Variants in ERGIC1 observed in about 807,000 individuals in gnomAD.
ERGIC1 encodes endoplasmic reticulum-golgi intermediate compartment 1.
Under a neutral mutation model 38.3 loss-of-function variants are expected in ERGIC1, and 19 were observed. That is an observed-to-expected ratio of 0.50 (90% CI 0.35 to 0.73). ERGIC1 has a LOEUF of 0.73. Among genes scored for constraint, ERGIC1 ranks in the 30% least tolerant of loss-of-function variants. The probability of loss-of-function intolerance (pLI) is 0.01; values close to 1 mark genes in which losing one functional copy is unlikely to be tolerated. For missense variants in ERGIC1, 294 were observed against 389.2 expected (o/e 0.76, Z 2.06); for synonymous variants, 124 against 157.6 (o/e 0.79, Z 1.60).
intron 1 of ERGIC1, among the ~76,000 whole-genome samples, chr5:172,873,828 C>T (rs942874536): frequency 3.8e-4 from 58 of 152,298 alleles, no homozygotes; most frequent in African/African-American, 1.3e-3. Flanking sequence ...GTGCTTGGCC[C>T]ATAGGGTGGG....
chr5:172,873,326 G>A (rs954469077), intron 1 of ERGIC1, among the ~76,000 whole-genome samples: 1 of 152,206 alleles, frequency 6.6e-6, no homozygotes, highest in African/African-American at 2.4e-5. Context: ...CTTGACAAGC[G>A]GGAAGCCTGA....
intron 1 of ERGIC1, among the ~76,000 whole-genome samples, chr5:172,839,726 C>T (rs1233850538): frequency 1.3e-5 from 2 of 152,200 alleles, no homozygotes; most frequent in Non-Finnish European, 2.9e-5. Flanking sequence ...GTGCCAGGCA[C>T]TGTTGTAAGG....
chr5:172,867,443 T>C, intron 1 of ERGIC1: 1 of 395,604 alleles, frequency 2.5e-6, no homozygotes, highest in South Asian at 1.8e-5. Flanking sequence ...CTATTTCCAC[T>C]CCTTGGAGGC....
At chr5:172,889,845 A>G (rs1166813699) in intron 2 of ERGIC1, among the ~76,000 whole-genome samples, 3 of 152,214 alleles carry the variant, frequency 2.0e-5, no homozygotes, top group Non-Finnish European at 4.4e-5. Flanking sequence ...CTGAAATCCA[A>G]AATGCTTCAG....
At chr5:172,931,779 A>T (rs1463116575) in intron 7 of ERGIC1, among the ~76,000 whole-genome samples, 2 of 150,992 alleles carry the variant, frequency 1.3e-5, no homozygotes, top group Non-Finnish European at 2.9e-5. Flanking sequence ...TCCTCCCCCA[A>T]TCCATGGACA....
rs1761277415 is a variant in ERGIC1, at chr5:172,846,117, C to T, written c.20+11684C>T. Among the ~76,000 whole-genome samples the T allele has an allele frequency of 6.6e-6, 1 of 152,188 alleles. No individual in the cohort carries two copies. Among genetic ancestry groups the T allele is most frequent in the Non-Finnish European group, 1.5e-5 (1 of 68,020 alleles). On this transcript the variant is annotated intron_variant, in intron 1 of 9. Transcript: ENST00000393784. This position sits in a 1 kb window ranked among gnomAD's most constrained non-coding sequence, Gnocchi z 4.0. ...CAGCACATCCCATGGGGGTCCATGG[C>T]ATCCATTTGACCTCTCTGGCGATGT... is the stretch of plus-strand genomic sequence containing the variant.
chr5:172,857,373 A>G (rs1008989921), intron 1 of ERGIC1, among the ~76,000 whole-genome samples: 5 of 152,190 alleles, frequency 3.3e-5, no homozygotes, highest in African/African-American at 1.2e-4. Flanking sequence ...TTTCTGCTCC[A>G]GTAGTTTCAA....
chr5:172,893,051 G>C (rs1354634608), intron 2 of ERGIC1, among the ~76,000 whole-genome samples: 2 of 152,200 alleles, frequency 1.3e-5, no homozygotes, highest in Non-Finnish European at 2.9e-5. Context: ...GATAGAATTA[G>C]AACCCTGGGA....
intron 1 of ERGIC1, among the ~76,000 whole-genome samples, chr5:172,835,840 G>C (rs1761020715): frequency 6.6e-6 from 1 of 152,226 alleles, no homozygotes; most frequent in African/African-American, 2.4e-5. Flanking sequence ...GAGGCTAGCA[G>C]ACCTAGGCAG....
At chr5:172,929,780 A>T (rs981962707) in intron 7 of ERGIC1, among the ~76,000 whole-genome samples, 8 of 152,218 alleles carry the variant, frequency 5.3e-5, no homozygotes, top group African/African-American at 1.7e-4. Context: ...TTGAGCACCT[A>T]CTATATGCTG....
intron 3 of ERGIC1, among the ~76,000 whole-genome samples, chr5:172,900,926 C>T (rs973388250): frequency 3.3e-5 from 5 of 152,176 alleles, no homozygotes; most frequent in Admixed American, 6.5e-5. Flanking sequence ...GAAGGGCCTC[C>T]GCAGGATGAG....
At chr5:172,929,514 C>T (rs79368027) in intron 7 of ERGIC1, among the ~76,000 whole-genome samples, 1 of 152,028 alleles carries the variant, frequency 6.6e-6, no homozygotes, top group Non-Finnish European at 1.5e-5. Context: ...GGGCATTTGG[C>T]AAATTGTATC....
chr5:172,850,014 G>A (rs1196678433), intron 1 of ERGIC1, among the ~76,000 whole-genome samples: 5 of 152,194 alleles, frequency 3.3e-5, no homozygotes, highest in Admixed American at 6.5e-5. Context: ...CCGAGGTGGC[G>A]TGATCTGATC....
At chr5:172,869,496 C>T (rs996873211) in intron 1 of ERGIC1, among the ~76,000 whole-genome samples, 4 of 152,130 alleles carry the variant, frequency 2.6e-5, no homozygotes, top group Admixed American at 1.3e-4. Context: ...GGCGCCAGAC[C>T]CCTCGGCTGG....
At chr5:172,939,855 C>T (rs1763970571) in intron 9 of ERGIC1, among the ~76,000 whole-genome samples, 1 of 152,264 alleles carries the variant, frequency 6.6e-6, no homozygotes, top group African/African-American at 2.4e-5. Context: ...ATGACGCCAG[C>T]ACTCAGACAC....
At chr5:172,870,486 G>A (rs1761975965) in intron 1 of ERGIC1, among the ~76,000 whole-genome samples, 1 of 152,206 alleles carries the variant, frequency 6.6e-6, no homozygotes, top group Non-Finnish European at 1.5e-5. Context: ...GCTGATGTGA[G>A]CTGCTAGATG....
chr5:172,884,116 A>T (rs1014291403), intron 1 of ERGIC1, among the ~76,000 whole-genome samples: 5 of 151,548 alleles, frequency 3.3e-5, no homozygotes, highest in African/African-American at 9.7e-5. Context: ...CAAAGTTTTG[A>T]TTTGTTCATT....
At chr5:172,920,757 A>G (rs536655229) in intron 5 of ERGIC1, among the ~76,000 whole-genome samples, 59 of 152,264 alleles carry the variant, frequency 3.9e-4, no homozygotes, top group African/African-American at 7.2e-4. Flanking sequence ...CCAGGCCCCA[A>G]TCCCAGTTCT....
intron 1 of ERGIC1, among the ~76,000 whole-genome samples, chr5:172,843,585 A>G (rs745462406): frequency 1.3e-5 from 2 of 152,252 alleles, no homozygotes; most frequent in African/African-American, 2.4e-5. Context: ...GAGTATGTTC[A>G]TGGTGTGCAG....
Sources: allele counts gnomAD v4.1 joint callset (sites outside exome capture counted in the v4.1 genomes callset), GRCh38; gene constraint gnomAD v4.1.1; non-coding constraint Gnocchi (gnomAD v3.1); transcripts MANE v1.5; gene names NCBI Gene and HGNC (gene_info 2026-07-23, HGNC 2026-07-21).